WDSUB1: variants seen among roughly 807,000 people sequenced by gnomAD.
WDSUB1 encodes WD repeat, sterile alpha motif and U-box domain containing 1, also known as WD repeat, SAM and U-box domain-containing protein 1.
In WDSUB1, 49 loss-of-function variants were observed where a neutral mutation model predicts 53.9. The ratio of observed to expected loss-of-function variants is 0.91; its 90% CI spans 0.72 to 1.15. WDSUB1 has a LOEUF of 1.15. WDSUB1 is among the 50% of genes most tolerant of loss of function. The probability of loss-of-function intolerance (pLI) is 0.00; values close to 1 mark genes in which losing one functional copy is unlikely to be tolerated. For missense variants in WDSUB1, 514 were observed against 562.0 expected (o/e 0.91, Z 0.86); for synonymous variants, 194 against 200.6 (o/e 0.97, Z 0.28).
chr2:159,282,303 C>T, intron 2 of WDSUB1, among the ~76,000 whole-genome samples: 1 of 152,070 alleles, frequency 6.6e-6, no homozygotes, highest in Non-Finnish European at 1.5e-5. Flanking sequence ...CGTCATTCTC[C>T]TGCCTCAGCC....
At chr2:159,267,700 T>G (rs926021597) in intron 5 of WDSUB1, among the ~76,000 whole-genome samples, 1 of 152,204 alleles carries the variant, frequency 6.6e-6, no homozygotes, top group Non-Finnish European at 1.5e-5. Context: ...TTTATCCTAC[T>G]CACTTTTTTT....
intron 10 of WDSUB1, among the ~76,000 whole-genome samples, chr2:159,247,402 C>A (rs1466457553): frequency 6.6e-6 from 1 of 152,136 alleles, no homozygotes; most frequent in African/African-American, 2.4e-5. Context: ...AAAAAAAATT[C>A]ATTGCCTCCC....
chr2:159,244,794 G>A (rs1479642727), intron 10 of WDSUB1, among the ~76,000 whole-genome samples: 1 of 152,092 alleles, frequency 6.6e-6, no homozygotes, highest in Non-Finnish European at 1.5e-5. Context: ...GCCGGGCATG[G>A]TAGTAGGTGT....
chr2:159,259,092 C>T (rs1368027062), intron 6 of WDSUB1, among the ~76,000 whole-genome samples: 1 of 150,016 alleles, frequency 6.7e-6, no homozygotes, highest in Non-Finnish European at 1.5e-5. Flanking sequence ...GGCACAATCT[C>T]GGCTCACTGC....
chr2:159,236,085 T>C lies in WDSUB1; in HGVS notation c.1379A>G (p.Asn460Ser). 1.2e-6 allele frequency: 2 copies of C among 1,613,814 alleles called. No individual in the cohort carries two copies. Among genetic ancestry groups the C allele is most frequent in the Non-Finnish European group, 1.7e-6 (2 of 1,179,916 alleles). The change falls in exon 11 of 11, where the codon AAT becomes AGT. Residue 460 changes from asparagine to serine, a missense_variant. Transcript: ENST00000359774. ...ATTGATGGCCATTTTCAGAGTCCTA[T>C]TTGGTGTAAGTACCGCTGAAGGAAG... ...LVLPSAVLTP[N>S]RTLKMAINRW...
chr2:159,248,607 T>C (rs2060876029), intron 9 of WDSUB1, 95 bp from the exon 10 acceptor site: 2 of 1,339,198 alleles, frequency 1.5e-6, no homozygotes, highest in African/African-American at 3.1e-5. Context: ...GAGTTTGTTG[T>C]TGGGGTTGAT....
chr2:159,253,024 G>A (rs570223571), intron 9 of WDSUB1, among the ~76,000 whole-genome samples: 23 of 152,212 alleles, frequency 1.5e-4, no homozygotes, highest in Non-Finnish European at 2.4e-4. Context: ...TCCAAGATAC[G>A]TAGCAATCTG....
chr2:159,282,261 C>T (rs1187816731), intron 2 of WDSUB1, among the ~76,000 whole-genome samples: 1 of 151,208 alleles, frequency 6.6e-6, no homozygotes, highest in Admixed American at 6.6e-5. Flanking sequence ...GGTGTGATCT[C>T]GGCTCACTGC....
chr2:159,250,896 G>A (rs2060936503), intron 9 of WDSUB1, among the ~76,000 whole-genome samples: 1 of 152,044 alleles, frequency 6.6e-6, no homozygotes, highest in Non-Finnish European at 1.5e-5. Flanking sequence ...TTCAAAAACT[G>A]TCATAAATGT....
chr2:159,280,825 A>T (rs199653110), intron 2 of WDSUB1, among the ~76,000 whole-genome samples: 3 of 152,062 alleles, frequency 2.0e-5, no homozygotes, highest in African/African-American at 7.3e-5. Context: ...AAGTATTAGT[A>T]TTTGCTCAAT....
chr2:159,265,102 AAACAAC>A (rs139666411), intron 5 of WDSUB1, among the ~76,000 whole-genome samples: 2 of 146,452 alleles, frequency 1.4e-5, no homozygotes, highest in East Asian at 2.0e-4. Context: ...AAAAAAAATA[AAACAAC>A]AACAACAACA....
At chr2:159,281,218 C>T (rs993884173) in intron 2 of WDSUB1, among the ~76,000 whole-genome samples, 9 of 152,060 alleles carry the variant, frequency 5.9e-5, no homozygotes, top group African/African-American at 2.2e-4. Flanking sequence ...TACTTAATGT[C>T]ATCTAAAAGT....
intron 5 of WDSUB1, among the ~76,000 whole-genome samples, chr2:159,261,578 G>A (rs1458668012): frequency 6.6e-6 from 1 of 151,786 alleles, no homozygotes; most frequent in Non-Finnish European, 1.5e-5. Flanking sequence ...GAAATTCTTA[G>A]GCCAAATTCT....
At chr2:159,253,785 G>C (rs1216983920) in intron 9 of WDSUB1, among the ~76,000 whole-genome samples, 1 of 152,084 alleles carries the variant, frequency 6.6e-6, no homozygotes, top group Non-Finnish European at 1.5e-5. Flanking sequence ...CTCTATTAGT[G>C]CAATTTACTA....
chr2:159,245,389 C>T (rs1320237280), intron 10 of WDSUB1, among the ~76,000 whole-genome samples: 2 of 151,952 alleles, frequency 1.3e-5, no homozygotes, highest in African/African-American at 4.8e-5. Context: ...AAAAATTAGC[C>T]AGGCATGGTG....
intron 10 of WDSUB1, among the ~76,000 whole-genome samples, chr2:159,239,876 G>GGTTCTGAA (rs2060597688): frequency 6.6e-6 from 1 of 152,038 alleles, no homozygotes; most frequent in Non-Finnish European, 1.5e-5. Context: ...GAGGTTCTGA[G>GGTTCTGAA]AAACTAAACT....
chr2:159,243,936 A>C (rs1041824831), intron 10 of WDSUB1, among the ~76,000 whole-genome samples: 3 of 152,212 alleles, frequency 2.0e-5, no homozygotes, highest in Non-Finnish European at 4.4e-5. Context: ...ATATAAATGA[A>C]TCTCACAAAC....
chr2:159,277,453 C>G (rs2061567360), intron 3 of WDSUB1, among the ~76,000 whole-genome samples: 1 of 152,172 alleles, frequency 6.6e-6, no homozygotes, highest in Admixed American at 6.6e-5. Context: ...AGTGAAAATT[C>G]AGCTAAGACA....
chr2:159,276,574 T>C (rs760905160), intron 3 of WDSUB1, among the ~76,000 whole-genome samples: 35 of 152,238 alleles, frequency 2.3e-4, no homozygotes, highest in Non-Finnish European at 3.8e-4. Context: ...ACTTACTTAA[T>C]TTTAGTGTAT....
Sources: gnomAD v4.1 joint callset for allele counts (sites outside exome capture counted in the v4.1 genomes callset) on GRCh38, gnomAD v4.1.1 for gene constraint, MANE v1.5 for transcripts, NCBI Gene and HGNC (gene_info 2026-07-23, HGNC 2026-07-21) for gene names.